KCNJ3: variants seen among roughly 807,000 people sequenced by gnomAD.
KCNJ3 encodes the protein potassium inwardly rectifying channel subfamily J member 3, also known as G protein-activated inward rectifier potassium channel 1.
KCNJ3 carries 4 observed loss-of-function variants against 39.2 expected under a neutral mutation model. That is an observed-to-expected ratio of 0.10 (90% confidence interval 0.05 to 0.23). KCNJ3 has a LOEUF of 0.23. KCNJ3 is among the 10% of genes least tolerant of loss of function. KCNJ3 has a pLI of 1.00. For synonymous variants in KCNJ3, 230 were observed against 237.4 expected (o/e 0.97, Z 0.29); for missense variants, 276 against 634.9 (o/e 0.43, Z 6.08).
chr2:154,712,135 CCTAA>C (rs1685110344), intron 2 of KCNJ3, among the ~76,000 whole-genome samples: 1 of 151,956 alleles, frequency 6.6e-6, no homozygotes, highest in Non-Finnish European at 1.5e-5. Context: ...GTGTGTATGC[CCTAA>C]CTAATTAAAT....
At chr2:154,781,963 T>C (rs80153007) in intron 2 of KCNJ3, among the ~76,000 whole-genome samples, 4,010 of 152,292 alleles carry the variant, frequency 0.026, 84 homozygotes, top group Non-Finnish European at 0.034. Flanking sequence ...TTTGAGTGCT[T>C]AGAACTTTCT....
At chr2:154,773,319 T>A (rs1236552153) in intron 2 of KCNJ3, among the ~76,000 whole-genome samples, 4 of 152,124 alleles carry the variant, frequency 2.6e-5, no homozygotes, top group African/African-American at 4.8e-5. Context: ...AATATAAATT[T>A]TAAGAGCATG....
chr2:154,849,870 A>G (rs1687724345), intron 2 of KCNJ3, among the ~76,000 whole-genome samples: 1 of 152,176 alleles, frequency 6.6e-6, no homozygotes, highest in Non-Finnish European at 1.5e-5. Context: ...GGAAAGGAAA[A>G]TGTCAAAAAT....
chr2:154,753,057 A>C (rs1558864644), intron 2 of KCNJ3, among the ~76,000 whole-genome samples: 1 of 152,062 alleles, frequency 6.6e-6, no homozygotes, highest in Non-Finnish European at 1.5e-5. Flanking sequence ...CCTCAGTTGA[A>C]GCCTCTAATT....
chr2:154,811,334 T>A (rs1174918702), intron 2 of KCNJ3, among the ~76,000 whole-genome samples: 1 of 152,170 alleles, frequency 6.6e-6, no homozygotes, highest in African/African-American at 2.4e-5. Flanking sequence ...TCTTGGAGTC[T>A]CTGCCAATGA....
chr2:154,837,798 GCT>G (rs1687497025), intron 2 of KCNJ3, among the ~76,000 whole-genome samples: 1 of 152,158 alleles, frequency 6.6e-6, no homozygotes, highest in Admixed American at 6.5e-5. Flanking sequence ...CTTTGCATGT[GCT>G]CTTTTTCCAT....
chr2:154,802,769 CAT>C (rs1350016976), intron 2 of KCNJ3, among the ~76,000 whole-genome samples: 1 of 152,040 alleles, frequency 6.6e-6, no homozygotes, highest in Non-Finnish European at 1.5e-5. Flanking sequence ...TAGTGAGATA[CAT>C]AGCAGCACAG....
In KCNJ3 at chr2:154,823,738, A is replaced by C. The variant is rs191882824; in HGVS notation, c.920-30989A>C. On this transcript the variant is annotated intron_variant, in intron 2 of 2. Coordinates refer to ENST00000295101, the MANE Select transcript of KCNJ3 (RefSeq NM_002239.4). ...ATTTAAATTAGTTTCCTGTTATCAC[A>C]ATATTTATACATATACATCTTAGTT... Among the ~76,000 whole-genome samples, 531 of 152,258 alleles carry C rather than the reference A, an allele frequency of 3.5e-3. 2 individuals are homozygous for C. The highest frequency in any genetic ancestry group is 6.8e-3 in the Middle Eastern group (2 of 294).
At chr2:154,815,366 T>A (rs1687067026) in intron 2 of KCNJ3, among the ~76,000 whole-genome samples, 1 of 152,182 alleles carries the variant, frequency 6.6e-6, no homozygotes, top group African/African-American at 2.4e-5. Context: ...TATCAATAAT[T>A]GGTAATAGCA....
chr2:154,707,373 C>G (rs1685031810), intron 1 of KCNJ3, among the ~76,000 whole-genome samples: 1 of 152,028 alleles, frequency 6.6e-6, no homozygotes, highest in Admixed American at 6.6e-5. Context: ...TTACTTATGT[C>G]TGAATAAACT....
At chr2:154,705,499 TTA>T (rs1300283944) in intron 1 of KCNJ3, among the ~76,000 whole-genome samples, 8 of 152,154 alleles carry the variant, frequency 5.3e-5, no homozygotes, top group African/African-American at 1.9e-4. Context: ...TTGTAGTTGA[TTA>T]TCTTATAGGC....
chr2:154,747,942 T>C (rs1028042378), intron 2 of KCNJ3, among the ~76,000 whole-genome samples: 1 of 151,902 alleles, frequency 6.6e-6, no homozygotes, highest in Non-Finnish European at 1.5e-5. Context: ...TCCTGACCAG[T>C]TCTTACCAAA....
intron 2 of KCNJ3, among the ~76,000 whole-genome samples, chr2:154,760,231 C>G (rs1034034409): frequency 1.3e-5 from 2 of 152,070 alleles, no homozygotes; most frequent in African/African-American, 2.4e-5. Flanking sequence ...TTTTTCTGAT[C>G]CTAGTAAAGT....
chr2:154,735,539 A>G (rs1287024628), intron 2 of KCNJ3, among the ~76,000 whole-genome samples: 7 of 152,194 alleles, frequency 4.6e-5, no homozygotes, highest in Admixed American at 2.0e-4. Context: ...GAAGAGAAAC[A>G]TTAGAAATAC....
chr2:154,779,535 A>G (rs1686399302), intron 2 of KCNJ3, among the ~76,000 whole-genome samples: 1 of 146,212 alleles, frequency 6.8e-6, no homozygotes, highest in Admixed American at 6.9e-5. Context: ...ATATATAGTT[A>G]TATATATATT....
intron 2 of KCNJ3, among the ~76,000 whole-genome samples, chr2:154,760,554 T>TCC (rs1491433011): frequency 6.7e-6 from 1 of 150,244 alleles, no homozygotes; most frequent in Non-Finnish European, 1.5e-5. Flanking sequence ...CTTCTCTCTT[T>TCC]CTCTCTCTCT....
intron 2 of KCNJ3, among the ~76,000 whole-genome samples, chr2:154,802,089 T>C (rs1686829068): frequency 6.6e-6 from 1 of 152,182 alleles, no homozygotes; most frequent in African/African-American, 2.4e-5. Flanking sequence ...CTAACTGTAA[T>C]TGTGAGTCAG....
chr2:154,836,276 T>C (rs992184518), intron 2 of KCNJ3, among the ~76,000 whole-genome samples: 1 of 151,614 alleles, frequency 6.6e-6, no homozygotes, highest in South Asian at 2.1e-4. Context: ...CTAGCCTGCC[T>C]TGGAGTTGAG....
chr2:154,803,105 T>C (rs1459251886), intron 2 of KCNJ3, among the ~76,000 whole-genome samples: 3 of 152,078 alleles, frequency 2.0e-5, no homozygotes, highest in Non-Finnish European at 4.4e-5. Flanking sequence ...ATTTAGATGA[T>C]CTCCATGACA....
Sources: allele counts gnomAD v4.1 joint callset (sites outside exome capture counted in the v4.1 genomes callset), GRCh38; gene constraint gnomAD v4.1.1; transcripts MANE v1.5; gene names NCBI Gene and HGNC (gene_info 2026-07-23, HGNC 2026-07-21).